The following GRID2 variants were observed in gnomAD, a reference collection of about 807,000 sequenced individuals.
The protein encoded by GRID2 is glutamate ionotropic receptor delta type subunit 2.
Under a neutral mutation model 114.8 loss-of-function variants are expected in GRID2, and 33 were observed. That is an observed-to-expected ratio of 0.29 (90% CI 0.22 to 0.38). The LOEUF (loss-of-function observed/expected upper bound fraction) is 0.38, where lower values mean the gene tolerates loss of function less well. Among genes scored for constraint, GRID2 ranks in the 10% least tolerant of loss-of-function variants. GRID2 has a pLI of 1.00. For missense variants in GRID2, 1,184 were observed against 1,257.7 expected (o/e 0.94, Z 0.89); for synonymous variants, 505 against 449.9 (o/e 1.12, Z -1.55).
intron 2 of GRID2, among the ~76,000 whole-genome samples, chr4:93,034,529 C>T (rs898132297): frequency 4.6e-5 from 7 of 152,148 alleles, no homozygotes; most frequent in East Asian, 1.9e-4. Flanking sequence ...CCATTGAACA[C>T]GACTTCTACA....
intron 2 of GRID2, among the ~76,000 whole-genome samples, chr4:92,778,876 T>C (rs984573064): frequency 2.0e-5 from 3 of 152,086 alleles, no homozygotes; most frequent in African/African-American, 4.8e-5. Context: ...AGATAATCTA[T>C]TATAACTCTT....
intron 14 of GRID2, among the ~76,000 whole-genome samples, chr4:93,659,952 T>C (rs1182712175): frequency 2.6e-5 from 4 of 152,134 alleles, no homozygotes; most frequent in Non-Finnish European, 5.9e-5. Context: ...TTCACATGAC[T>C]CATTATTTTA....
chr4:93,256,885 G>A (rs1179087319), intron 8 of GRID2, among the ~76,000 whole-genome samples: 2 of 151,860 alleles, frequency 1.3e-5, no homozygotes, highest in South Asian at 2.1e-4. Flanking sequence ...TTATGCATAA[G>A]TAGTGACATA....
chr4:93,529,408 G>T (rs1307532027), intron 13 of GRID2, among the ~76,000 whole-genome samples: 1 of 152,196 alleles, frequency 6.6e-6, no homozygotes, highest in Non-Finnish European at 1.5e-5. Context: ...TAACCTAAGA[G>T]AAATGTAAAG....
chr4:92,713,587 A>G (rs1579899287), intron 2 of GRID2, among the ~76,000 whole-genome samples: 2 of 148,624 alleles, frequency 1.3e-5, no homozygotes, highest in South Asian at 2.1e-4. Flanking sequence ...TGATAAAGAC[A>G]TACTTGACAC....
intron 2 of GRID2, among the ~76,000 whole-genome samples, chr4:92,993,103 C>T (rs1407383294): frequency 6.6e-6 from 1 of 152,024 alleles, no homozygotes; most frequent in Non-Finnish European, 1.5e-5. Context: ...GAGCTTGGAA[C>T]AGATGGCCTT....
intron 2 of GRID2, among the ~76,000 whole-genome samples, chr4:92,625,003 G>T (rs1046584552): frequency 1.3e-5 from 2 of 151,562 alleles, no homozygotes; most frequent in African/African-American, 4.8e-5. Context: ...TAAATTTTTG[G>T]TGGTATACCT....
rs34607839 is a variant in GRID2 at position 93,401,926 on chromosome 4, C to CT, written c.1347+6231dup. Among the ~76,000 whole-genome samples the CT allele has an allele frequency of 8.0e-3, 1,149 of 142,954 alleles. 15 individuals are homozygous for CT. The highest frequency in any genetic ancestry group is 0.024 in the African/African-American group (935 of 38,594). The allele number at this position is 142,954 out of a possible 152,430, so 93.8% of individuals were successfully genotyped here. ...TCATTAGTCTCACTTTTTGGAATTT[C>CT]TTTTTTTTTTTTTATGGAGATTGTG... On this transcript the variant is annotated intron_variant, in intron 9 of 15. Coordinates refer to ENST00000282020, the MANE Select transcript of GRID2 (RefSeq NM_001510.4).
At chr4:93,123,366 T>C (rs999943562) in intron 4 of GRID2, among the ~76,000 whole-genome samples, 9 of 152,198 alleles carry the variant, frequency 5.9e-5, no homozygotes, top group African/African-American at 2.2e-4. Flanking sequence ...TTGTGACAAT[T>C]GTACCATTAT....
chr4:92,447,482 A>G (rs1733528891), intron 1 of GRID2, among the ~76,000 whole-genome samples: 1 of 152,188 alleles, frequency 6.6e-6, no homozygotes, highest in South Asian at 2.1e-4. Context: ...ACCAAGTAGT[A>G]GTTGCCTTTT....
chr4:92,383,889 A>G (rs945787825), intron 1 of GRID2, among the ~76,000 whole-genome samples: 1 of 151,924 alleles, frequency 6.6e-6, no homozygotes, highest in African/African-American at 2.4e-5. Context: ...TTGCTGTTAA[A>G]GTTTATGACA....
At chr4:92,338,834 C>T (rs191840498) in intron 1 of GRID2, among the ~76,000 whole-genome samples, 21 of 152,138 alleles carry the variant, frequency 1.4e-4, no homozygotes, top group African/African-American at 4.6e-4. Context: ...ACTCCTAAAA[C>T]ATAAATCTAA....
At chr4:92,943,188 C>T (rs188802938) in intron 2 of GRID2, among the ~76,000 whole-genome samples, 1,659 of 152,338 alleles carry the variant, frequency 0.011, 10 homozygotes, top group Admixed American at 0.018. Flanking sequence ...TCCATTCTCC[C>T]TGTCACTTTC....
intron 2 of GRID2, among the ~76,000 whole-genome samples, chr4:92,877,265 G>A (rs1745698914): frequency 6.6e-6 from 1 of 152,196 alleles, no homozygotes; most frequent in Non-Finnish European, 1.5e-5. Context: ...TGCTTAAGCA[G>A]TTTTCAAAGG....
chr4:93,056,140 T>C (rs1260306127), intron 2 of GRID2, among the ~76,000 whole-genome samples: 4 of 151,948 alleles, frequency 2.6e-5, no homozygotes, highest in African/African-American at 4.8e-5. Flanking sequence ...TGGACTGTTA[T>C]GCAAACTGAG....
intron 1 of GRID2, among the ~76,000 whole-genome samples, chr4:93,796,831 C>T (rs911470155): frequency 6.6e-6 from 1 of 152,278 alleles, no homozygotes; most frequent in African/African-American, 2.4e-5. Flanking sequence ...ATCAAGTAAG[C>T]CACTGCACCC....
At chr4:93,332,222 A>G (rs111888088) in intron 8 of GRID2, among the ~76,000 whole-genome samples, 6,376 of 151,322 alleles carry the variant, frequency 0.042, 176 homozygotes, top group Middle Eastern at 0.078. Flanking sequence ...GCCCACTCAA[A>G]GATAAGAGAA....
At chr4:93,196,858 T>A (rs1304450878) in intron 4 of GRID2, among the ~76,000 whole-genome samples, 6 of 152,146 alleles carry the variant, frequency 3.9e-5, no homozygotes, top group African/African-American at 1.4e-4. Flanking sequence ...TTTCTCTGGT[T>A]AAGTGTCAGG....
At chr4:93,270,070 C>T (rs1226420963) in intron 8 of GRID2, among the ~76,000 whole-genome samples, 1 of 151,920 alleles carries the variant, frequency 6.6e-6, no homozygotes, top group African/African-American at 2.4e-5. Context: ...AACTTACATG[C>T]ATAGAGAAGT....
Sources: allele counts gnomAD v4.1 joint callset (sites outside exome capture counted in the v4.1 genomes callset), GRCh38; gene constraint gnomAD v4.1.1; transcripts MANE v1.5; gene names NCBI Gene and HGNC (gene_info 2026-07-23, HGNC 2026-07-21).